The following BCAS3 variants were observed in gnomAD, a reference collection of about 807,000 sequenced individuals.
BCAS3 encodes BCAS3 microtubule associated cell migration factor.
BCAS3 carries 53 observed loss-of-function variants against 116.1 expected under a neutral mutation model. That is an observed-to-expected ratio of 0.46 (90% CI 0.37 to 0.57). BCAS3 has a LOEUF of 0.57. Among genes scored for constraint, BCAS3 ranks in the 20% least tolerant of loss-of-function variants. BCAS3 has a pLI of 0.00. For missense variants in BCAS3, 917 were observed against 1,165.4 expected (o/e 0.79, Z 3.10); for synonymous variants, 391 against 408.2 (o/e 0.96, Z 0.51).
At position 60,889,758 on chromosome 17, in the gene BCAS3, A is replaced by T. The variant is rs754580534; in HGVS notation, c.725A>T (p.Tyr242Phe). 3.1e-6 allele frequency: 5 copies of T among 1,612,894 alleles called. No homozygotes were observed. Among genetic ancestry groups the T allele is most frequent in the East Asian group, 2.2e-5 (1 of 44,872 alleles). ...PIALGSRWLA[Y>F]AENKLIRCHQ... ...GCTCTTGGGAGCCGCTGGCTTGCTT[A>T]TGCAGAAAACAAGGTAAGACGTGGC... Residue 242 changes from tyrosine to phenylalanine, a missense_variant, in exon 10 of 24, where the codon TAT becomes TTT. Physicochemically the swap from Tyr to Phe is conservative, Grantham distance 22. Around this residue, in one of 3 missense-constraint regions of BCAS3, gnomAD observed 807 missense variants for 1,026.0 expected, o/e 0.79. Coordinates refer to ENST00000407086, the MANE Select transcript of BCAS3 (RefSeq NM_017679.5).
Position 60,709,286 on chromosome 17 carries a change from G to T in BCAS3, c.282G>T (p.Met94Ile), listed in dbSNP as rs1180080069. The part of the protein sequence containing the change: ...STGNEPPLLI[M>I]IGYSDGMQVW... ...GGAATGAACCGCCTTTGTTGATTAT[G>T]ATTGGCTACAGTGATGGAATGCAGG... The change falls in exon 5 of 24, where the codon ATG (methionine) becomes ATT (isoleucine). Residue 94 changes from methionine to isoleucine, a missense_variant. Met to Ile is a conservative substitution (Grantham distance 10). Transcript: ENST00000407086. The T allele has an allele frequency of 1.9e-6, 3 of 1,603,330 alleles. No homozygotes were observed. The highest frequency in any genetic ancestry group is 2.2e-5 in the East Asian group (1 of 44,834).
intron 5 of BCAS3, among the ~76,000 whole-genome samples, chr17:60,745,653 T>C (rs187925575): frequency 6.6e-6 from 1 of 152,232 alleles, no homozygotes; most frequent in East Asian, 1.9e-4. Context: ...CAAAGGAATT[T>C]GTAGAGTAAA....
intron 22 of BCAS3, among the ~76,000 whole-genome samples, chr17:61,293,295 T>C (rs2052609507): frequency 6.6e-6 from 1 of 152,138 alleles, no homozygotes; most frequent in African/African-American, 2.4e-5. Flanking sequence ...ATCGTGCAGG[T>C]TGGAAATCTC....
intron 12 of BCAS3, among the ~76,000 whole-genome samples, chr17:60,915,332 C>G (rs933977613): frequency 2.6e-5 from 4 of 152,106 alleles, no homozygotes; most frequent in African/African-American, 7.2e-5. Context: ...TCAGTTTTCT[C>G]TATTTGTTTA....
intron 22 of BCAS3, among the ~76,000 whole-genome samples, chr17:61,178,416 A>G (rs554839204): frequency 1.3e-5 from 2 of 152,260 alleles, no homozygotes; most frequent in East Asian, 1.9e-4. Context: ...CGTTTCTTCC[A>G]TTAGCTTGAC....
Position 61,095,650 on chromosome 17 carries a change from A to G in BCAS3, c.2425+11086A>G, listed in dbSNP as rs1384063211. ...CCCGGCTAATTTTTGTATTTTTAGT[A>G]GAGACAAGGTTTCACCATGTTGGCC... is the stretch of plus-strand genomic sequence containing the variant. On this transcript the variant is annotated intron_variant, in intron 22 of 23. Coordinates refer to ENST00000407086, the MANE Select transcript of BCAS3 (RefSeq NM_017679.5). This position sits in a 1 kb window ranked among gnomAD's most constrained non-coding sequence, Gnocchi z 4.7. Among the ~76,000 whole-genome samples the G allele has an allele frequency of 1.3e-5, 2 of 152,044 alleles. No individual in the cohort carries two copies. The highest frequency in any genetic ancestry group is 4.8e-5 in the African/African-American group (2 of 41,398).
intron 22 of BCAS3, among the ~76,000 whole-genome samples, chr17:61,209,083 G>T (rs974933596): frequency 1.3e-5 from 2 of 151,224 alleles, no homozygotes; most frequent in Non-Finnish European, 2.9e-5. Context: ...AACATCCACT[G>T]TGTGGAAGAG....
At chr17:60,777,776 A>T (rs2045448544) in intron 6 of BCAS3, among the ~76,000 whole-genome samples, 1 of 152,126 alleles carries the variant, frequency 6.6e-6, no homozygotes, top group African/African-American at 2.4e-5. Context: ...AAACTTTCTG[A>T]CAGGGCCCCC....
intron 15 of BCAS3, among the ~76,000 whole-genome samples, chr17:60,999,098 T>C (rs955296991): frequency 5.9e-5 from 9 of 152,206 alleles, no homozygotes; most frequent in Non-Finnish European, 1.0e-4. Context: ...TTGTTTATTT[T>C]TGTCGACTTT....
At chr17:60,819,459 A>G (rs916684565) in intron 7 of BCAS3, among the ~76,000 whole-genome samples, 2 of 152,214 alleles carry the variant, frequency 1.3e-5, no homozygotes, top group Non-Finnish European at 2.9e-5. Flanking sequence ...CAGACTTTGT[A>G]TATTTTCTTG....
At chr17:60,954,367 A>G (rs1455954343) in intron 14 of BCAS3, among the ~76,000 whole-genome samples, 1 of 152,134 alleles carries the variant, frequency 6.6e-6, no homozygotes, top group Non-Finnish European at 1.5e-5. Context: ...GTTTCATATG[A>G]ATTTTAAAAT....
intron 14 of BCAS3, among the ~76,000 whole-genome samples, chr17:60,966,890 A>G (rs2061691367): frequency 2.0e-5 from 3 of 151,956 alleles, no homozygotes; most frequent in Admixed American, 6.6e-5. Flanking sequence ...CCTGACCTCA[A>G]ATGATCTGCC....
rs1359614379 is a variant in BCAS3 at position 61,333,111 on chromosome 17, C to T, written c.2426-35216C>T. 2.0e-5 allele frequency among the ~76,000 whole-genome samples: 3 copies of T among 152,258 alleles called. No individual in the cohort carries two copies. Among genetic ancestry groups the T allele is most frequent in the Non-Finnish European group, 4.4e-5 (3 of 68,046 alleles). ...CTCATAGACCCCAGCAAGGTGCTTTCTCCCTGGACCCCACTCACACCTATT... is the reference window on the plus strand; with the variant it reads ...CTCATAGACCCCAGCAAGGTGCTTTTTCCCTGGACCCCACTCACACCTATT... On this transcript the variant is annotated intron_variant, in intron 22 of 23. Transcript: ENST00000407086. This position sits in a 1 kb window ranked among gnomAD's most constrained non-coding sequence, Gnocchi z 4.8.
intron 15 of BCAS3, among the ~76,000 whole-genome samples, chr17:61,010,479 T>C (rs1183496470): frequency 6.6e-6 from 1 of 151,270 alleles, no homozygotes; most frequent in Non-Finnish European, 1.5e-5. Flanking sequence ...AGAAGTTGTT[T>C]TCATAATTCC....
In BCAS3 at chr17:61,199,201, C is replaced by T. The variant is rs924136578; in HGVS notation, c.2425+114637C>T. On this transcript the variant is annotated intron_variant, in intron 22 of 23. Transcript: ENST00000407086. This position sits in a 1 kb window ranked among gnomAD's most constrained non-coding sequence, Gnocchi z 4.6. Reference sequence around the variant, plus strand: ...AAATTTCTTCCTTCTATTTCTTCTCCCTCTTTTTAGCTGTCTACTGTATAC... The same window carrying T: ...AAATTTCTTCCTTCTATTTCTTCTCTCTCTTTTTAGCTGTCTACTGTATAC... Among the ~76,000 whole-genome samples, 1 of 152,072 alleles carries T rather than the reference C, an allele frequency of 6.6e-6. No homozygotes were observed. The highest frequency in any genetic ancestry group is 2.4e-5 in the African/African-American group (1 of 41,398).
chr17:61,358,962 TG>T (rs1761031814), intron 22 of BCAS3, among the ~76,000 whole-genome samples: 1 of 152,146 alleles, frequency 6.6e-6, no homozygotes, highest in African/African-American at 2.4e-5. Flanking sequence ...CCCTCAGATG[TG>T]GGGAGATCAG....
chr17:60,863,473 T>A (rs1386910925), intron 7 of BCAS3, among the ~76,000 whole-genome samples: 2 of 152,060 alleles, frequency 1.3e-5, no homozygotes, highest in African/African-American at 4.8e-5. Flanking sequence ...TTGGCTAGGC[T>A]CGGTGGCTCA....
At position 61,094,277 on chromosome 17, in the gene BCAS3, T is replaced by G. The variant is rs566103130; in HGVS notation, c.2425+9713T>G. On this transcript the variant is annotated intron_variant, in intron 22 of 23. Transcript: ENST00000407086. ...ATTCTGTATATCAAGTGGGAATGAA[T>G]GCACAGTAGTTGTCTTGAGGGAAAG... Among the ~76,000 whole-genome samples the G allele has an allele frequency of 3.9e-5, 6 of 152,374 alleles. No homozygotes were observed. The East Asian group carries it at 1.2e-3, about 29-fold the overall frequency.
chr17:61,166,088 A>T lies in BCAS3; in HGVS notation c.2425+81524A>T, dbSNP rs184982011. On this transcript the variant is annotated intron_variant, in intron 22 of 23. Coordinates refer to ENST00000407086, the MANE Select transcript of BCAS3 (RefSeq NM_017679.5). ...TGATGAATGAAGGAAACTGAATCTC[A>T]TAAGTTTTTCCCTTTTTCCCCATAA... 3.3e-4 allele frequency among the ~76,000 whole-genome samples: 51 copies of T among 152,356 alleles called. 1 individual carries two copies. The highest frequency in any genetic ancestry group is 1.2e-3 in the African/African-American group (51 of 41,588).
Sources: gnomAD v4.1 joint callset for allele counts (sites outside exome capture counted in the v4.1 genomes callset) on GRCh38, gnomAD v4.1.1 for gene constraint, gnomAD v4.1.1 regional missense constraint, Gnocchi (gnomAD v3.1) non-coding constraint, MANE v1.5 for transcripts, NCBI Gene and HGNC (gene_info 2026-07-23, HGNC 2026-07-21) for gene names.